Variants in AJAP1 observed in about 807,000 individuals in gnomAD.
AJAP1 encodes the protein adherens junctions associated protein 1.
Under a neutral mutation model 35.0 loss-of-function variants are expected in AJAP1, and 5 were observed. The ratio of observed to expected loss-of-function variants is 0.14; its 90% confidence interval spans 0.07 to 0.30. AJAP1 has a LOEUF of 0.30. AJAP1 is among the 10% of genes least tolerant of loss of function. The probability of loss-of-function intolerance (pLI) is 1.00; values close to 1 mark genes in which losing one functional copy is unlikely to be tolerated. For missense variants in AJAP1, 586 were observed against 571.0 expected, an observed-to-expected ratio of 1.03 and a Z score of -0.27; for synonymous variants, 284 against 249.3, an observed-to-expected ratio of 1.14 and a Z score of -1.31.
In AJAP1 at chr1:4,655,460, C is replaced by A; in HGVS notation, c.29+6C>A. On this transcript the variant is annotated splice_donor_region_variant and intron_variant, in intron 1 of 5. Transcript: ENST00000378191. This position sits in a 1 kb window ranked among gnomAD's most constrained non-coding sequence, Gnocchi z 6.9. ...CAACAGCTTTTAGGACTCAGGTGAGCGACCCGGCCGGCGCCGGGTGCGTGT... is the reference window on the plus strand; with the variant it reads ...CAACAGCTTTTAGGACTCAGGTGAGAGACCCGGCCGGCGCCGGGTGCGTGT... The A allele has an allele frequency of 1.3e-6, 2 of 1,567,006 alleles. No homozygotes were observed. The highest frequency in any genetic ancestry group is 1.7e-6 in the Non-Finnish European group (2 of 1,156,394).
At chr1:4,688,244 G>A (rs1385177309) in intron 1 of AJAP1, among the ~76,000 whole-genome samples, 1 of 152,086 alleles carries the variant, frequency 6.6e-6, no homozygotes, top group Admixed American at 6.5e-5. Context: ...ATTGGCATGC[G>A]GGGGGAGTGG....
intron 1 of AJAP1, among the ~76,000 whole-genome samples, chr1:4,706,278 C>T (rs543465522): frequency 2.6e-5 from 4 of 152,142 alleles, no homozygotes; most frequent in Admixed American, 6.5e-5. Flanking sequence ...TTGTTTCTAG[C>T]GGTGCCCTGT....
intron 1 of AJAP1, among the ~76,000 whole-genome samples, chr1:4,663,113 C>T (rs765395310): frequency 6.6e-6 from 1 of 152,174 alleles, no homozygotes; most frequent in Non-Finnish European, 1.5e-5. Context: ...CTAGTGAGGG[C>T]TGAAGGGCAT....
In AJAP1 at chr1:4,712,280, C is replaced by G. The variant is rs747916427; in HGVS notation, c.410C>G (p.Ser137Trp). 1 of 1,511,304 alleles carries G rather than the reference C, an allele frequency of 6.6e-7. No individual in the cohort carries two copies. The highest frequency in any genetic ancestry group is 8.8e-7 in the Non-Finnish European group (1 of 1,132,870). 93.6% of individuals were successfully genotyped at this position (1,511,304 alleles called of 1,614,324 possible). Residue 137 changes from serine (S) to tryptophan (W), a missense_variant, in exon 2 of 6, where the codon TCG becomes TGG. Physicochemically the swap from Ser to Trp is radical, Grantham distance 177. Transcript: ENST00000378191. ...TCCCTCGCCTCTTCGTCCTCGTCCT[C>G]GTCCTCCGCGGTGGCCGGTGGGGCC... is the stretch of plus-strand genomic sequence containing the variant. Reference protein sequence around the residue: ...SPSLASSSSSSSSAVAGGAPE... With the variant: ...SPSLASSSSSWSSAVAGGAPE...
At position 4,683,811 on chromosome 1, in the gene AJAP1, A is replaced by T. The variant is rs531627272; in HGVS notation, c.30-28089A>T. Among the ~76,000 whole-genome samples, 8 of 152,156 alleles carry T rather than the reference A, an allele frequency of 5.3e-5. No homozygotes were observed. In the South Asian group the frequency reaches 1.7e-3, roughly 32 times the overall value. ...GCTCAGGGGGCAAGGAAAGAACATC[A>T]CTGTCCCCAGAGAGGCCAGGGTGGG... On this transcript the variant is annotated intron_variant, in intron 1 of 5. Coordinates refer to ENST00000378191, the MANE Select transcript of AJAP1 (RefSeq NM_018836.4).
chr1:4,738,427 G>T (rs939491522), intron 2 of AJAP1, among the ~76,000 whole-genome samples: 2 of 152,268 alleles, frequency 1.3e-5, no homozygotes, highest in African/African-American at 4.8e-5. Flanking sequence ...CAAGGGGAGG[G>T]TGATTAGGGG....
At chr1:4,714,201 T>G (rs1171856345) in intron 2 of AJAP1, among the ~76,000 whole-genome samples, 1 of 152,200 alleles carries the variant, frequency 6.6e-6, no homozygotes, top group African/African-American at 2.4e-5. Flanking sequence ...TGCCCAGAGA[T>G]GGAGGCTGTG....
intron 5 of AJAP1, chr1:4,777,739 A>T (rs1395590831): frequency 6.6e-6 from 1 of 152,250 alleles, no homozygotes; most frequent in African/African-American, 2.4e-5. Context: ...GAAATAAATC[A>T]TGCACTATTA....
rs1377860393 is a variant in AJAP1, at chr1:4,734,101, G to A, written c.829+21402G>A. 6.6e-6 allele frequency among the ~76,000 whole-genome samples: 1 copy of A among 152,158 alleles called. No individual in the cohort carries two copies. Among genetic ancestry groups the A allele is most frequent in the African/African-American group, 2.4e-5 (1 of 41,440 alleles). ...GAAAAGCGAGAGCGATTTGCAAAAG[G>A]CCCCTTCAATCATGACAATTAAAAT... On this transcript the variant is annotated intron_variant, in intron 2 of 5. Transcript: ENST00000378191. The surrounding 1 kb of genome is among the most constrained non-coding windows in gnomAD (Gnocchi z 4.3).
intron 3 of AJAP1, among the ~76,000 whole-genome samples, chr1:4,771,676 C>G (rs192069170): frequency 2.0e-5 from 3 of 152,296 alleles, no homozygotes; most frequent in Admixed American, 2.0e-4. Flanking sequence ...AGGAACTAGA[C>G]CATAACAGGC....
chr1:4,672,112 G>A (rs758854429), intron 1 of AJAP1, among the ~76,000 whole-genome samples: 4 of 152,150 alleles, frequency 2.6e-5, no homozygotes, highest in Non-Finnish European at 4.4e-5. Flanking sequence ...CTGTCTCCCC[G>A]GGGTGTGTAT....
intron 1 of AJAP1, among the ~76,000 whole-genome samples, chr1:4,686,916 C>G (rs1460040171): frequency 6.6e-6 from 1 of 152,202 alleles, no homozygotes; most frequent in African/African-American, 2.4e-5. Flanking sequence ...CAAAGGGAAT[C>G]TCCACTTCTG....
intron 2 of AJAP1, among the ~76,000 whole-genome samples, chr1:4,746,538 A>G (rs1641192198): frequency 6.6e-6 from 1 of 152,148 alleles, no homozygotes; most frequent in Non-Finnish European, 1.5e-5. Context: ...GGCTCCCAAC[A>G]CATGGTAACC....
At chr1:4,657,809 T>C (rs1471914692) in intron 1 of AJAP1, among the ~76,000 whole-genome samples, 1 of 151,746 alleles carries the variant, frequency 6.6e-6, no homozygotes, top group Non-Finnish European at 1.5e-5. Flanking sequence ...CTGAGCTGTA[T>C]GTGGAGCTTT....
intron 1 of AJAP1, among the ~76,000 whole-genome samples, chr1:4,679,251 A>G (rs1308566854): frequency 6.6e-6 from 1 of 152,112 alleles, no homozygotes. Context: ...TGCACTTTAC[A>G]CATTGGATTC....
intron 4 of AJAP1, 76 bp from the exon 5 acceptor site, chr1:4,774,351 G>C: frequency 7.1e-7 from 1 of 1,401,492 alleles, no homozygotes; most frequent in Non-Finnish European, 1.0e-6. Context: ...CCCCACCACA[G>C]GCCTGCCCCG....
chr1:4,770,060 C>A, intron 3 of AJAP1, 120 bp downstream of exon 3: 1 of 888,222 alleles, frequency 1.1e-6, no homozygotes, highest in African/African-American at 1.7e-5. Context: ...CTGCCCTGGG[C>A]AGTTCAGCTG....
At chr1:4,672,654 C>T (rs987687079) in intron 1 of AJAP1, among the ~76,000 whole-genome samples, 4 of 152,162 alleles carry the variant, frequency 2.6e-5, no homozygotes, top group Non-Finnish European at 5.9e-5. Context: ...GGTGCTCCAC[C>T]GCCCTCCCAG....
At chr1:4,714,699 G>A (rs1459284107) in intron 2 of AJAP1, among the ~76,000 whole-genome samples, 1 of 152,184 alleles carries the variant, frequency 6.6e-6, no homozygotes, top group African/African-American at 2.4e-5. Context: ...AGGAAAATAT[G>A]TGTGTTTGTT....
Sources: allele counts gnomAD v4.1 joint callset (sites outside exome capture counted in the v4.1 genomes callset), GRCh38; gene constraint gnomAD v4.1.1; non-coding constraint Gnocchi (gnomAD v3.1); transcripts MANE v1.5; gene names NCBI Gene and HGNC (gene_info 2026-07-23, HGNC 2026-07-21).